The following PRMT8 variants were observed in gnomAD, a reference collection of about 807,000 sequenced individuals.
PRMT8 encodes the protein protein arginine methyltransferase 8.
In PRMT8, 7 loss-of-function variants were observed where a neutral mutation model predicts 47.1. That is an observed-to-expected ratio of 0.15 (90% CI 0.08 to 0.28). PRMT8 has a LOEUF of 0.28. PRMT8 is among the 10% of genes least tolerant of loss of function. The probability of loss-of-function intolerance (pLI) is 1.00; values close to 1 mark genes in which losing one functional copy is unlikely to be tolerated. For synonymous variants in PRMT8, 188 were observed against 186.5 expected (o/e 1.01, Z -0.07); for missense variants, 237 against 505.4 (o/e 0.47, Z 5.09).
intron 4 of PRMT8, among the ~76,000 whole-genome samples, chr12:3,559,442 TTG>T (rs1372976696): frequency 6.6e-6 from 1 of 152,172 alleles, no homozygotes; most frequent in African/African-American, 2.4e-5. Flanking sequence ...GAGCTGGGGA[TTG>T]TGTGTCTCTG....
chr12:3,401,140 T>C (rs1443476520), intron 1 of PRMT8, among the ~76,000 whole-genome samples: 12 of 76,626 alleles, frequency 1.6e-4, no homozygotes, highest in Admixed American at 4.0e-4. Context: ...AGAGCGAAAC[T>C]CCATCTCAAA....
intron 1 of PRMT8, among the ~76,000 whole-genome samples, chr12:3,416,148 G>A (rs561985823): frequency 6.6e-6 from 1 of 152,278 alleles, no homozygotes; most frequent in East Asian, 1.9e-4. Context: ...CGCTCCACGG[G>A]CCTCTCCTCT....
chr12:3,401,788 T>G (rs1455652481), intron 1 of PRMT8, among the ~76,000 whole-genome samples: 4 of 152,092 alleles, frequency 2.6e-5, no homozygotes, highest in African/African-American at 7.2e-5. Flanking sequence ...GTAATGGACC[T>G]CTTCAAGGAG....
Position 3,576,751 on chromosome 12 carries a change from A to C in PRMT8, c.713-120A>C. 1 of 732,306 alleles carries C rather than the reference A, an allele frequency of 1.4e-6. No individual in the cohort carries two copies. Among genetic ancestry groups the C allele is most frequent in the South Asian group, 1.7e-5 (1 of 59,638 alleles). 45.4% of individuals were successfully genotyped at this position (732,306 alleles called of 1,614,324 possible). ...GGTGAGCAGTTCTGCCTCTATTTCG[A>C]TGCAAGGGAACTCGAGCTGCCACTC... On this transcript the variant is annotated intron_variant, in intron 6 of 9. Coordinates refer to ENST00000382622, the MANE Select transcript of PRMT8 (RefSeq NM_019854.5). The surrounding 1 kb of genome is among the most constrained non-coding windows in gnomAD (Gnocchi z 4.0).
chr12:3,569,312 T>A lies in PRMT8; in HGVS notation c.625-165T>A, dbSNP rs1185536869. On this transcript the variant is annotated intron_variant, in intron 5 of 9. Transcript: ENST00000382622. The surrounding 1 kb of genome is among the most constrained non-coding windows in gnomAD (Gnocchi z 8.2). Reference sequence around the variant, plus strand: ...ATTTTCCTTGCTCCAAAATAAAAATTGAGCACTGCTGTCCTAGCCCTCACC... The same window carrying A: ...ATTTTCCTTGCTCCAAAATAAAAATAGAGCACTGCTGTCCTAGCCCTCACC... Among the ~76,000 whole-genome samples the A allele has an allele frequency of 6.6e-6, 1 of 152,172 alleles. No individual in the cohort carries two copies. Among genetic ancestry groups the A allele is most frequent in the Non-Finnish European group, 1.5e-5 (1 of 68,030 alleles).
chr12:3,406,360 T>C (rs1283578387), intron 1 of PRMT8, among the ~76,000 whole-genome samples: 2 of 152,256 alleles, frequency 1.3e-5, no homozygotes, highest in African/African-American at 4.8e-5. Context: ...TTTTCCTCAT[T>C]GTCTTGTTGA....
At chr12:3,390,027 G>T (rs1374799881) in intron 1 of PRMT8, among the ~76,000 whole-genome samples, 1 of 152,252 alleles carries the variant, frequency 6.6e-6, no homozygotes, top group South Asian at 2.1e-4. Context: ...CTCCTCCAAG[G>T]CTGCCCAGTG....
At chr12:3,406,093 T>G (rs1864369935) in intron 1 of PRMT8, among the ~76,000 whole-genome samples, 2 of 152,244 alleles carry the variant, frequency 1.3e-5, no homozygotes, top group African/African-American at 4.8e-5. Flanking sequence ...ATTCTTGTCT[T>G]CCACGTACCC....
At chr12:3,405,363 G>A (rs933433347) in intron 1 of PRMT8, among the ~76,000 whole-genome samples, 6 of 152,022 alleles carry the variant, frequency 3.9e-5, no homozygotes, top group African/African-American at 1.4e-4. Context: ...GATTTGGGTG[G>A]GGACACAGCC....
At chr12:3,568,579 C>G in intron 4 of PRMT8, 127 bp from the exon 5 acceptor site, 4 of 1,030,678 alleles carry the variant, frequency 3.9e-6, no homozygotes, top group South Asian at 3.2e-5. Context: ...AAAGGGTGAG[C>G]TACATCATAT....
Position 3,493,792 on chromosome 12 carries a change from AAAAC to A in PRMT8, c.75+2104_75+2107del, listed in dbSNP as rs1288503574. Among the ~76,000 whole-genome samples, 8 of 152,220 alleles carry A rather than the reference AAAAC, an allele frequency of 5.3e-5. No individual in the cohort carries two copies. Among genetic ancestry groups the A allele is most frequent in the African/African-American group, 1.2e-4 (5 of 41,464 alleles). Reference sequence around the variant, plus strand: ...CGGCCGGGCTCCTGCGAACAACAACAAAACAAACAAACAAAAAACCACGTCGCGT... The same window carrying A: ...CGGCCGGGCTCCTGCGAACAACAACAAAACAAACAAAAAACCACGTCGCGT... On this transcript the variant is annotated intron_variant, in intron 1 of 9. Coordinates refer to ENST00000382622, the MANE Select transcript of PRMT8 (RefSeq NM_019854.5). The surrounding 1 kb of genome is among the most constrained non-coding windows in gnomAD (Gnocchi z 8.2).
Position 3,418,013 on chromosome 12 carries a change from C to T in PRMT8, c.48+36571C>T, listed in dbSNP as rs1351821402. Among the ~76,000 whole-genome samples the T allele has an allele frequency of 2.6e-5, 4 of 152,234 alleles. No individual in the cohort carries two copies. In the East Asian group the frequency reaches 7.7e-4, roughly 29 times the overall value. ...TGAAGAAAAATGGTCATACCTACTT[C>T]ACAGGTTGTGAGGATTAAATGAGTT... On this transcript the variant is annotated intron_variant, in intron 1 of 9. Coordinates refer to the PRMT8 transcript ENST00000452611.
At chr12:3,517,734 G>A (rs1196908649) in intron 1 of PRMT8, among the ~76,000 whole-genome samples, 1 of 151,938 alleles carries the variant, frequency 6.6e-6, no homozygotes, top group Non-Finnish European at 1.5e-5. Flanking sequence ...AGGGAAAGAG[G>A]GAACTTAAAA....
intron 2 of PRMT8, among the ~76,000 whole-genome samples, chr12:3,547,940 T>G (rs1591596394): frequency 6.6e-6 from 1 of 152,196 alleles, no homozygotes; most frequent in Admixed American, 6.5e-5. Context: ...GCAAAGGGCC[T>G]AGAAAAATCA....
At chr12:3,475,187 G>C (rs778525603) in intron 1 of PRMT8, among the ~76,000 whole-genome samples, 3 of 152,206 alleles carry the variant, frequency 2.0e-5, no homozygotes, top group African/African-American at 7.2e-5. Context: ...CCCAGTGGCC[G>C]TGGAACATCT....
chr12:3,579,798 A>G (rs1242323041), intron 7 of PRMT8, among the ~76,000 whole-genome samples: 1 of 152,142 alleles, frequency 6.6e-6, no homozygotes, highest in Admixed American at 6.5e-5. Flanking sequence ...CTGCTCCGAG[A>G]CATCCATTTC....
chr12:3,515,888 G>T (rs958866362), intron 1 of PRMT8, among the ~76,000 whole-genome samples: 18 of 152,214 alleles, frequency 1.2e-4, no homozygotes, highest in Non-Finnish European at 2.5e-4. Flanking sequence ...CCTGGTGGTT[G>T]GTTTCTCAGG....
At chr12:3,399,956 CT>C (rs1448422501) in intron 1 of PRMT8, among the ~76,000 whole-genome samples, 1 of 152,200 alleles carries the variant, frequency 6.6e-6, no homozygotes, top group Non-Finnish European at 1.5e-5. Context: ...GTTATGACAA[CT>C]GTCAAAATCT....
At chr12:3,486,789 C>T (rs1865327420), upstream of PRMT8, among the ~76,000 whole-genome samples, 1 of 152,158 alleles carries the variant, frequency 6.6e-6, no homozygotes, top group South Asian at 2.1e-4. Flanking sequence ...TAAGAAAATG[C>T]CTCCCAGATA....
Sources: gnomAD v4.1 joint callset for allele counts (sites outside exome capture counted in the v4.1 genomes callset) on GRCh38, gnomAD v4.1.1 for gene constraint, Gnocchi (gnomAD v3.1) non-coding constraint, MANE v1.5 for transcripts, NCBI Gene and HGNC (gene_info 2026-07-23, HGNC 2026-07-21) for gene names.